SIRT4: variants seen among roughly 807,000 people sequenced by gnomAD.
SIRT4 encodes the protein NAD-dependent protein lipoamidase sirtuin-4, mitochondrial.
Under a neutral mutation model 26.1 loss-of-function variants are expected in SIRT4, and 23 were observed. The ratio of observed to expected loss-of-function variants is 0.88; its 90% CI spans 0.63 to 1.25. The LOEUF (loss-of-function observed/expected upper bound fraction) is 1.25. Ranked by LOEUF, SIRT4 falls within the 50% of genes most tolerant of loss-of-function variation. The probability of loss-of-function intolerance (pLI) is 0.00; values close to 1 mark genes in which losing one functional copy is unlikely to be tolerated. For missense variants in SIRT4, 361 were observed against 405.4 expected, an observed-to-expected ratio of 0.89 and a Z score of 0.94; for synonymous variants, 155 against 158.4, an observed-to-expected ratio of 0.98 and a Z score of 0.16.
chr12:120,301,587 G>A (rs1872551810), upstream of SIRT4, among the ~76,000 whole-genome samples: 1 of 151,976 alleles, frequency 6.6e-6, no homozygotes, highest in Admixed American at 6.6e-5. Flanking sequence ...ATCACCTGAG[G>A]TCGGGAGTTC....
chr12:120,304,803 T>TTATATATATATA (rs1254801981), intron 2 of SIRT4, among the ~76,000 whole-genome samples: 138 of 60,256 alleles, frequency 2.3e-3, no homozygotes, highest in South Asian at 4.6e-3. Flanking sequence ...AAAGTAAATT[T>TTATATATATATA]TATATATATA....
In SIRT4 at chr12:120,312,915, C is replaced by A. The variant is rs1168402226; in HGVS notation, c.824C>A (p.Ala275Asp). 1 of 1,614,036 alleles carries A rather than the reference C, an allele frequency of 6.2e-7. No individual in the cohort carries two copies. The highest frequency in any genetic ancestry group is 2.2e-5 in the East Asian group (1 of 44,890). The change falls in exon 4 of 4, where the codon GCC becomes GAC. Residue 275 changes from alanine to aspartate, a missense_variant. Coordinates refer to ENST00000202967, the MANE Select transcript of SIRT4 (RefSeq NM_012240.3). ...VYSGYRFILT[A>D]WEKKLPIAIL... ...TCTGGTTACAGGTTTATCCTCACTG[C>A]CTGGGAGAAGAAGCTCCCGATTGCA...
the SIRT4 span, among the ~76,000 whole-genome samples, chr12:120,296,514 TTG>T: frequency 1.8e-5 from 2 of 109,372 alleles, no homozygotes; most frequent in South Asian, 3.8e-4. Context: ...GTTTTTTTTT[TTG>T]TTTTTTTTTT....
chr12:120,295,292 A>C, the SIRT4 span, among the ~76,000 whole-genome samples: 1 of 141,074 alleles, frequency 7.1e-6, no homozygotes, highest in Non-Finnish European at 1.5e-5. Flanking sequence ...TCAGCTCACC[A>C]CAACCTCTGC....
Position 120,313,062 on chromosome 12 carries a change from G to A in SIRT4, c.*26G>A. Reference sequence around the variant, plus strand: ...CCACAGCCTGATATTCCAGAACCTGGAACAGGGACTTTCACTTGAATCTTG... The same window carrying A: ...CCACAGCCTGATATTCCAGAACCTGAAACAGGGACTTTCACTTGAATCTTG... On this transcript the variant is annotated 3_prime_UTR_variant, in exon 4 of 4. Coordinates refer to ENST00000202967, the MANE Select transcript of SIRT4 (RefSeq NM_012240.3). 1 of 1,612,946 alleles carries A rather than the reference G, an allele frequency of 6.2e-7. No homozygotes were observed. The highest frequency in any genetic ancestry group is 1.7e-4 in the Middle Eastern group (1 of 6,056).
rs564627080 is a variant in SIRT4, at chr12:120,309,714, C to CTT, written c.498-2724_498-2723dup. Among the ~76,000 whole-genome samples the CTT allele has an allele frequency of 9.6e-3, 1,064 of 111,088 alleles. 29 individuals carry two copies. The highest frequency in any genetic ancestry group is 0.034 in the African/African-American group (1,003 of 29,642). 72.9% of individuals were successfully genotyped at this position (111,088 alleles called of 152,430 possible). On this transcript the variant is annotated intron_variant, in intron 2 of 3. Coordinates refer to ENST00000202967, the MANE Select transcript of SIRT4 (RefSeq NM_012240.3). The stretch of plus-strand genomic sequence containing the variant: ...AGGCATGAGCCACTGTGCCCGCTTT[C>CTT]TTTTTTTTTTTTTTTTTTTGAGATG...
upstream of SIRT4, among the ~76,000 whole-genome samples, chr12:120,299,166 G>A (rs1417729792): frequency 6.7e-6 from 1 of 149,982 alleles, no homozygotes; most frequent in Non-Finnish European, 1.5e-5. Context: ...GCTTGTAGTG[G>A]GCCGAGATCT....
chr12:120,291,800 A>G, the SIRT4 span: 9 of 152,216 alleles, frequency 5.9e-5, no homozygotes, highest in East Asian at 3.9e-4. Context: ...AATGCCGACT[A>G]TATTTCAAGT....
the SIRT4 span, among the ~76,000 whole-genome samples, chr12:120,297,028 G>A: frequency 6.6e-6 from 1 of 150,992 alleles, no homozygotes; most frequent in African/African-American, 2.4e-5. Flanking sequence ...TTCAAGACCA[G>A]CCTGGCCAAG....
upstream of SIRT4, among the ~76,000 whole-genome samples, chr12:120,297,494 CA>C (rs200686377): frequency 1.3e-3 from 112 of 83,406 alleles, no homozygotes; most frequent in Admixed American, 1.3e-3. Context: ...ACTTGGATGA[CA>C]AAAAAAAAAA....
At chr12:120,308,025 T>A (rs900697948) in intron 2 of SIRT4, among the ~76,000 whole-genome samples, 47 of 125,940 alleles carry the variant, frequency 3.7e-4, no homozygotes, top group Middle Eastern at 3.8e-3. Context: ...AAAAAAAAAA[T>A]TTTTTTTTTT....
chr12:120,292,857 A>G, the SIRT4 span, among the ~76,000 whole-genome samples: 2 of 152,194 alleles, frequency 1.3e-5, no homozygotes, highest in Non-Finnish European at 2.9e-5. Context: ...TGGCAAGAAA[A>G]GTCAACACCG....
At position 120,312,770 on chromosome 12, in the gene SIRT4, T is replaced by C. The variant is rs199638038; in HGVS notation, c.792+20T>C. ...TTGCAGGTATCTGACTTGGCAAGAG[T>C]GGTAACCACCCCTTGTGCGGGATTG... On this transcript the variant is annotated intron_variant, in intron 3 of 3. Coordinates refer to ENST00000202967, the MANE Select transcript of SIRT4 (RefSeq NM_012240.3). The C allele has an allele frequency of 1.5e-5, 24 of 1,608,128 alleles. No individual in the cohort carries two copies. The African/African-American group carries it at 2.8e-4, about 19-fold the overall frequency.
upstream of SIRT4, among the ~76,000 whole-genome samples, chr12:120,301,163 G>A (rs1309768749): frequency 6.6e-6 from 1 of 152,068 alleles, no homozygotes; most frequent in Admixed American, 6.6e-5. Flanking sequence ...TGGCTAACAT[G>A]GTGAAACCTT....
upstream of SIRT4, among the ~76,000 whole-genome samples, chr12:120,298,726 G>A (rs1872427371): frequency 6.6e-6 from 1 of 150,874 alleles, no homozygotes. Context: ...GACAAGCATG[G>A]TGAAACCCCG....
rs201161049 is a variant in SIRT4, at chr12:120,312,926, A to C, written c.835A>C (p.Lys279Gln). The change falls in exon 4 of 4, where the codon AAG (lysine) becomes CAG (glutamine). Residue 279 changes from lysine to glutamine, a missense_variant. By Grantham distance (53) the Lys-to-Gln change is moderately conservative (BLOSUM62 1). Coordinates refer to ENST00000202967, the MANE Select transcript of SIRT4 (RefSeq NM_012240.3). ...GTTTATCCTCACTGCCTGGGAGAAG[A>C]AGCTCCCGATTGCAATACTGAACAT... is the stretch of plus-strand genomic sequence containing the variant. ...YRFILTAWEK[K>Q]LPIAILNIGP... 7.6e-5 allele frequency: 123 copies of C among 1,614,034 alleles called. No individual in the cohort carries two copies. The highest frequency in any genetic ancestry group is 1.3e-4 in the Admixed American group (8 of 59,974).
At chr12:120,296,110 A>G in the SIRT4 span, among the ~76,000 whole-genome samples, 1 of 150,798 alleles carries the variant, frequency 6.6e-6, no homozygotes, top group African/African-American at 2.4e-5. Flanking sequence ...AAAAAAAAAA[A>G]AAAGAAAGTA....
chr12:120,293,127 G>C, the SIRT4 span: 1 of 152,166 alleles, frequency 6.6e-6, no homozygotes, highest in African/African-American at 2.4e-5. Context: ...AATTGCCAGT[G>C]CCGACTATAT....
At chr12:120,299,120 C>T (rs1374802551), upstream of SIRT4, among the ~76,000 whole-genome samples, 4 of 149,644 alleles carry the variant, frequency 2.7e-5, no homozygotes, top group Non-Finnish European at 4.4e-5. Flanking sequence ...AGTCCGGAGG[C>T]TGAGGCAGGA....
Sources: allele counts gnomAD v4.1 joint callset (sites outside exome capture counted in the v4.1 genomes callset), GRCh38; gene constraint gnomAD v4.1.1; transcripts MANE v1.5; gene names NCBI Gene and HGNC (gene_info 2026-07-23, HGNC 2026-07-21).